Variants in AKR7A3 observed in about 807,000 individuals in gnomAD.
AKR7A3 encodes the protein AFB1 aldehyde reductase 2.
Under a neutral mutation model 32.5 loss-of-function variants are expected in AKR7A3, and 37 were observed. The observed-to-expected ratio is 1.14, with a 90% CI of 0.88 to 1.50. AKR7A3 has a LOEUF of 1.50. Ranked by LOEUF, AKR7A3 falls within the 40% of genes most tolerant of loss-of-function variation. The pLI is 0.00. For missense variants in AKR7A3, 412 were observed against 453.2 expected, an observed-to-expected ratio of 0.91 and a Z score of 0.83; for synonymous variants, 177 against 188.4, an observed-to-expected ratio of 0.94 and a Z score of 0.50.
downstream of AKR7A3, among the ~76,000 whole-genome samples, chr1:19,281,952 G>T (rs965071131): frequency 1.7e-4 from 26 of 152,066 alleles, no homozygotes; most frequent in African/African-American, 5.3e-4. Context: ...TATCGTGGAA[G>T]CAAATGACTT....
chr1:19,287,366 T>G (rs2093732564), intron 1 of AKR7A3, among the ~76,000 whole-genome samples: 1 of 150,604 alleles, frequency 6.6e-6, no homozygotes, highest in East Asian at 1.9e-4. Flanking sequence ...AGCCGGGTGA[T>G]CTAGAAAGAG....
chr1:19,279,510 T>C (rs2093715781), downstream of AKR7A3, among the ~76,000 whole-genome samples: 2 of 151,944 alleles, frequency 1.3e-5, no homozygotes, highest in Admixed American at 1.3e-4. Flanking sequence ...GCCAAACTAT[T>C]TTCCAAAGTG....
chr1:19,283,876 G>A, intron 6 of AKR7A3, 120 bp downstream of exon 6: 2 of 1,502,152 alleles, frequency 1.3e-6, no homozygotes, highest in Non-Finnish European at 1.8e-6. Flanking sequence ...GAATGTTTGT[G>A]AGAGTTGAAA....
chr1:19,285,688 T>C (rs1220755419), intron 3 of AKR7A3, among the ~76,000 whole-genome samples, 200 bp downstream of exon 3: 1 of 151,348 alleles, frequency 6.6e-6, no homozygotes, highest in Non-Finnish European at 1.5e-5. Flanking sequence ...GGTGCACAGA[T>C]AGGCAGGAAG....
intron 3 of AKR7A3, among the ~76,000 whole-genome samples, chr1:19,285,620 TG>T (rs1168438746): frequency 6.6e-6 from 1 of 150,744 alleles, no homozygotes; most frequent in Non-Finnish European, 1.5e-5. Flanking sequence ...GGGGCGGTGG[TG>T]GGGGAAGGGC....
chr1:19,278,790 C>T (rs1258540021), downstream of AKR7A3, among the ~76,000 whole-genome samples: 1 of 151,814 alleles, frequency 6.6e-6, no homozygotes, highest in Non-Finnish European at 1.5e-5. Context: ...TCCTCCCGGT[C>T]CTAGGCAAGC....
rs1468061047 is a variant in AKR7A3 at position 19,284,847 on chromosome 1, A to G, written c.605-62T>C. On this transcript the variant is annotated intron_variant, in intron 4 of 6. Coordinates refer to ENST00000361640, the MANE Select transcript of AKR7A3 (RefSeq NM_012067.3). Reference sequence around the variant, plus strand: ...TGCCCCAGAAGCTGCCACATCCCTCAGGGCTCTGGTCTAGGGGAGGGGCAG... The same window carrying G: ...TGCCCCAGAAGCTGCCACATCCCTCGGGGCTCTGGTCTAGGGGAGGGGCAG... The G allele has an allele frequency of 3.1e-6, 5 of 1,587,364 alleles. No individual in the cohort carries two copies. In the African/African-American group the frequency reaches 4.1e-5, roughly 13 times the overall value.
chr1:19,288,581 T>C lies in AKR7A3; in HGVS notation c.129A>G (p.Ile43Met), dbSNP rs765428550. 36 of 1,606,162 alleles carry C rather than the reference T, an allele frequency of 2.2e-5. No individual in the cohort carries two copies. Residue 43 changes from isoleucine (I) to methionine (M), a missense_variant, in exon 1 of 7, where the codon ATA (isoleucine) becomes ATG (methionine). Ile to Met is a conservative substitution (Grantham distance 10, BLOSUM62 1). Coordinates refer to ENST00000361640, the MANE Select transcript of AKR7A3 (RefSeq NM_012067.3). ...RAFLERGHTEIDTAFVYSEGQ... is the reference protein window; with the variant it reads ...RAFLERGHTEMDTAFVYSEGQ... ...CCTCGCTGTACACGAAGGCCGTGTC[T>C]ATCTCGGTGTGGCCGCGCTCCAGGA...
At chr1:19,282,198 AAT>A (rs2093719807), downstream of AKR7A3, among the ~76,000 whole-genome samples, 2 of 151,844 alleles carry the variant, frequency 1.3e-5, no homozygotes, top group African/African-American at 4.9e-5. Context: ...TGTGATCCCC[AAT>A]GTTAGAGGTG....
In AKR7A3 at chr1:19,284,809, C is replaced by G. The variant is rs200088249; in HGVS notation, c.605-24G>C. The G allele has an allele frequency of 5.1e-4, 822 of 1,612,454 alleles. 6 individuals carry two copies. The South Asian group carries it at 6.2e-3, about 12-fold the overall frequency. On this transcript the variant is annotated intron_variant, in intron 4 of 6. Transcript: ENST00000361640. ...CCCTGAGGGAAAGCAGCAATCAGCC[C>G]CGGGGCCTAGAGTGCCCCAGAAGCT... is the stretch of plus-strand genomic sequence containing the variant.
At chr1:19,284,611 A>G in intron 5 of AKR7A3, 75 bp downstream of exon 5, 1 of 1,485,564 alleles carries the variant, frequency 6.7e-7, no homozygotes, top group South Asian at 1.1e-5. Flanking sequence ...GCCTTACCCC[A>G]GGAGCAGCCC....
downstream of AKR7A3, among the ~76,000 whole-genome samples, chr1:19,279,902 C>G (rs1245960616): frequency 6.6e-6 from 1 of 151,316 alleles, no homozygotes; most frequent in Non-Finnish European, 1.5e-5. Context: ...TAAACTTTCC[C>G]AAAACATTAT....
intron 3 of AKR7A3, 65 bp from the exon 4 acceptor site, chr1:19,285,179 CT>C: frequency 2.1e-6 from 3 of 1,462,066 alleles, no homozygotes; most frequent in Non-Finnish European, 2.9e-6. Context: ...CAAAATTACC[CT>C]TCCAGAACCC....
chr1:19,277,632 G>A (rs2093713135), downstream of AKR7A3, among the ~76,000 whole-genome samples: 1 of 151,570 alleles, frequency 6.6e-6, no homozygotes, highest in Non-Finnish European at 1.5e-5. Context: ...AGCAATTCTC[G>A]TGCCTCAGCT....
chr1:19,281,399 C>T (rs770747064), downstream of AKR7A3, among the ~76,000 whole-genome samples: 5 of 151,754 alleles, frequency 3.3e-5, no homozygotes, highest in Non-Finnish European at 5.9e-5. Flanking sequence ...GCATTCGAGG[C>T]ACCAAGTGGG....
chr1:19,277,508 A>C, the AKR7A3 span, among the ~76,000 whole-genome samples: 6 of 151,248 alleles, frequency 4.0e-5, no homozygotes, highest in East Asian at 1.2e-3. Flanking sequence ...AATATCTCAA[A>C]TCAATAATGT....
At chr1:19,287,467 A>G (rs1243970683) in intron 1 of AKR7A3, among the ~76,000 whole-genome samples, 2 of 151,880 alleles carry the variant, frequency 1.3e-5, no homozygotes, top group Non-Finnish European at 2.9e-5. Flanking sequence ...TCAGACACTC[A>G]GTGGAAGGAG....
chr1:19,274,493 G>T, the AKR7A3 span, among the ~76,000 whole-genome samples: 1 of 151,692 alleles, frequency 6.6e-6, no homozygotes, highest in South Asian at 2.1e-4. Flanking sequence ...AGCTTAACGG[G>T]TGTGGTGGAC....
chr1:19,278,004 C>T (rs182177559), downstream of AKR7A3, among the ~76,000 whole-genome samples: 2 of 152,002 alleles, frequency 1.3e-5, no homozygotes, highest in African/African-American at 2.4e-5. Flanking sequence ...TCTTTTGCCA[C>T]GTGTGCTTTT....
Sources: gnomAD v4.1 joint callset for allele counts (sites outside exome capture counted in the v4.1 genomes callset) on GRCh38, gnomAD v4.1.1 for gene constraint, MANE v1.5 for transcripts, NCBI Gene and HGNC (gene_info 2026-07-23, HGNC 2026-07-21) for gene names.